MGMT: variants seen among roughly 807,000 people sequenced by gnomAD.
MGMT encodes the protein O-6-methylguanine-DNA methyltransferase.
A neutral mutation model predicts 15.9 loss-of-function variants in MGMT; 14 were observed. The observed-to-expected ratio is 0.88, with a 90% confidence interval of 0.58 to 1.37. The LOEUF (loss-of-function observed/expected upper bound fraction) is 1.37. Ranked by LOEUF, MGMT falls within the 40% of genes most tolerant of loss-of-function variation. The probability of loss-of-function intolerance (pLI) is 0.00; values close to 1 mark genes in which losing one functional copy is unlikely to be tolerated. For synonymous variants in MGMT, 130 were observed against 118.2 expected, an observed-to-expected ratio of 1.10 and a Z score of -0.65; for missense variants, 282 against 268.1, an observed-to-expected ratio of 1.05 and a Z score of -0.36.
rs1017330818 is a variant in MGMT, at chr10:129,566,677, G to A, written c.125+30300G>A. Among the ~76,000 whole-genome samples the A allele has an allele frequency of 4.6e-5, 7 of 152,134 alleles. No individual in the cohort carries two copies. The highest frequency in any genetic ancestry group is 1.4e-4 in the African/African-American group (6 of 41,498). Reference sequence around the variant, plus strand: ...CACTGTTGGTCGTTGGCTGGATCTCGTTGAAGGCCTGCGGAGATTCAGGTG... The same window carrying A: ...CACTGTTGGTCGTTGGCTGGATCTCATTGAAGGCCTGCGGAGATTCAGGTG... On this transcript the variant is annotated intron_variant, in intron 2 of 4. Coordinates refer to ENST00000651593, the MANE Select transcript of MGMT (RefSeq NM_002412.5). This position sits in a 1 kb window ranked among gnomAD's most constrained non-coding sequence, Gnocchi z 4.1.
intron 3 of MGMT, 32 bp from the exon 4 acceptor site, chr10:129,759,170 C>G (rs1304896138): frequency 9.9e-6 from 16 of 1,612,760 alleles, no homozygotes; most frequent in Non-Finnish European, 1.3e-5. Context: ...GCCGTTTGTC[C>G]AAATAACATT....
chr10:129,599,278 G>A (rs1387029911), intron 2 of MGMT, among the ~76,000 whole-genome samples: 1 of 152,194 alleles, frequency 6.6e-6, no homozygotes, highest in East Asian at 1.9e-4. Flanking sequence ...ACCTCCACTT[G>A]TTATAGTTCA....
chr10:129,594,549 C>G (rs377086023), intron 2 of MGMT, among the ~76,000 whole-genome samples: 1 of 152,188 alleles, frequency 6.6e-6, no homozygotes, highest in Non-Finnish European at 1.5e-5. Flanking sequence ...CGGTACCTTT[C>G]AAAGGGCTTT....
intron 1 of MGMT, among the ~76,000 whole-genome samples, chr10:129,467,972 A>C (rs549328924): frequency 6.6e-6 from 1 of 152,310 alleles, no homozygotes; most frequent in East Asian, 1.9e-4. Context: ...TCAGCTGAGT[A>C]GCTGGCTTTC....
At chr10:129,759,944 G>A (rs1848853233) in intron 4 of MGMT, among the ~76,000 whole-genome samples, 1 of 152,216 alleles carries the variant, frequency 6.6e-6, no homozygotes, top group Admixed American at 6.5e-5. Context: ...GTCTCACCAG[G>A]GATGGCGCCC....
chr10:129,739,173 T>C (rs1371139032), intron 3 of MGMT, among the ~76,000 whole-genome samples: 1 of 152,172 alleles, frequency 6.6e-6, no homozygotes, highest in Non-Finnish European at 1.5e-5. Flanking sequence ...AAGAGCTATT[T>C]ATGACAAACC....
chr10:129,468,175 C>T (rs922892070), intron 1 of MGMT, among the ~76,000 whole-genome samples: 4 of 152,244 alleles, frequency 2.6e-5, no homozygotes, highest in African/African-American at 9.6e-5. Flanking sequence ...TCAGGCTCTC[C>T]CGTCATCTCC....
chr10:129,510,992 G>A (rs7098519), intron 1 of MGMT, among the ~76,000 whole-genome samples: 12,816 of 140,628 alleles, frequency 0.091, 711 homozygotes, highest in East Asian at 0.29. Flanking sequence ...CCTGTATACC[G>A]TCCGCAGCCA....
intron 3 of MGMT, among the ~76,000 whole-genome samples, chr10:129,737,621 A>G (rs1240475368): frequency 6.6e-6 from 1 of 152,114 alleles, no homozygotes; most frequent in Non-Finnish European, 1.5e-5. Flanking sequence ...TTGGAGGAGG[A>G]GAGGCGCTCT....
intron 3 of MGMT, among the ~76,000 whole-genome samples, chr10:129,750,028 T>C (rs1326045798): frequency 6.6e-6 from 1 of 152,166 alleles, no homozygotes; most frequent in Non-Finnish European, 1.5e-5. Flanking sequence ...CAAGTCTTTT[T>C]TCAGATATGT....
intron 3 of MGMT, among the ~76,000 whole-genome samples, chr10:129,735,329 T>G (rs1248827749): frequency 6.6e-6 from 1 of 152,172 alleles, no homozygotes; most frequent in Non-Finnish European, 1.5e-5. Flanking sequence ...TTCTTCTAGA[T>G]TTTCTAGTTT....
At chr10:129,676,141 C>T (rs928771737) in intron 2 of MGMT, among the ~76,000 whole-genome samples, 6 of 152,228 alleles carry the variant, frequency 3.9e-5, no homozygotes, top group African/African-American at 4.8e-5. Flanking sequence ...GGTGAAGCCA[C>T]CATCCTGTGC....
intron 1 of MGMT, among the ~76,000 whole-genome samples, chr10:129,518,879 C>T (rs909184139): frequency 1.5e-4 from 22 of 151,668 alleles, no homozygotes; most frequent in African/African-American, 3.6e-4. Flanking sequence ...CTGCACTGTC[C>T]GAGCATCAGC....
chr10:129,581,794 T>C (rs1846558462), intron 2 of MGMT, among the ~76,000 whole-genome samples: 1 of 152,232 alleles, frequency 6.6e-6, no homozygotes, highest in Admixed American at 6.5e-5. Flanking sequence ...GCATGCCCAG[T>C]GGCCGTCCCG....
intron 2 of MGMT, among the ~76,000 whole-genome samples, chr10:129,542,052 G>T (rs1846047823): frequency 6.6e-6 from 1 of 152,192 alleles, no homozygotes; most frequent in African/African-American, 2.4e-5. Flanking sequence ...TGTTGAACCT[G>T]GGAGGAGAGT....
intron 2 of MGMT, among the ~76,000 whole-genome samples, chr10:129,642,805 G>C (rs866851846): frequency 2.0e-5 from 3 of 152,078 alleles, no homozygotes; most frequent in Middle Eastern, 3.2e-3. Context: ...TGTGGCTCAC[G>C]TCTGTAGTCA....
At chr10:129,626,908 G>T (rs498964) in intron 2 of MGMT, among the ~76,000 whole-genome samples, 1 of 152,328 alleles carries the variant, frequency 6.6e-6, no homozygotes, top group South Asian at 2.1e-4. Flanking sequence ...CATCTGAGTC[G>T]GTAGCAGAGT....
intron 1 of MGMT, among the ~76,000 whole-genome samples, chr10:129,509,285 G>A (rs1365013634): frequency 6.6e-6 from 1 of 152,148 alleles, no homozygotes; most frequent in Non-Finnish European, 1.5e-5. Context: ...CGCATAGAGC[G>A]TTGCCGCCGT....
At chr10:129,713,497 C>T (rs551948020) in intron 3 of MGMT, among the ~76,000 whole-genome samples, 2 of 152,196 alleles carry the variant, frequency 1.3e-5, no homozygotes, top group South Asian at 2.1e-4. Flanking sequence ...GGCAGGCCCG[C>T]GGGTTTCCAG....
Sources: gnomAD v4.1 joint callset for allele counts (sites outside exome capture counted in the v4.1 genomes callset) on GRCh38, gnomAD v4.1.1 for gene constraint, Gnocchi (gnomAD v3.1) non-coding constraint, MANE v1.5 for transcripts, NCBI Gene and HGNC (gene_info 2026-07-23, HGNC 2026-07-21) for gene names.